The following PTPN1 variants were observed in gnomAD, a reference collection of about 807,000 sequenced individuals.
PTPN1 encodes tyrosine-protein phosphatase non-receptor type 1.
In PTPN1, 12 loss-of-function variants were observed where a neutral mutation model predicts 59.9. The ratio of observed to expected loss-of-function variants is 0.20; its 90% CI spans 0.13 to 0.32. The LOEUF (loss-of-function observed/expected upper bound fraction) is 0.32, where lower values mean the gene tolerates loss of function less well. Ranked by LOEUF, PTPN1 falls within the 10% of genes least tolerant of loss-of-function variation. The probability of loss-of-function intolerance (pLI) is 1.00; values close to 1 mark genes in which losing one functional copy is unlikely to be tolerated. For synonymous variants in PTPN1, 178 were observed against 203.6 expected, an observed-to-expected ratio of 0.87 and a Z score of 1.07; for missense variants, 356 against 549.2, an observed-to-expected ratio of 0.65 and a Z score of 3.52.
intron 1 of PTPN1, among the ~76,000 whole-genome samples, chr20:50,545,263 T>A (rs1228244879): frequency 6.6e-6 from 1 of 152,136 alleles, no homozygotes; most frequent in Admixed American, 6.6e-5. Flanking sequence ...GCCCAGATAC[T>A]TTTTCTTGAG....
In PTPN1 at chr20:50,582,789, T is replaced by TGCCGCG; in HGVS notation, c.*76_*81dup. 6.3e-7 allele frequency: 1 copy of TGCCGCG among 1,589,728 alleles called. No homozygotes were observed. The highest frequency in any genetic ancestry group is 8.6e-7 in the Non-Finnish European group (1 of 1,162,710). Reference sequence around the variant, plus strand: ...AGAGCCCACGCCCGACTAGCAGGCATGCCGCGGTAGGTAAGGGCCGCCGGA... The same window carrying TGCCGCG: ...AGAGCCCACGCCCGACTAGCAGGCATGCCGCGGCCGCGGTAGGTAAGGGCCGCCGGA... On this transcript the variant is annotated 3_prime_UTR_variant, in exon 10 of 10. Coordinates refer to ENST00000371621, the MANE Select transcript of PTPN1 (RefSeq NM_002827.4). The surrounding 1 kb of genome is among the most constrained non-coding windows in gnomAD (Gnocchi z 4.2).
At chr20:50,561,281 C>A in intron 1 of PTPN1, 82 bp from the exon 2 acceptor site, 1 of 1,070,888 alleles carries the variant, frequency 9.3e-7, no homozygotes, top group South Asian at 1.5e-5. Flanking sequence ...CCATATTGCC[C>A]GGCTCTCTTT....
rs1183550200 is a variant in PTPN1 at position 50,584,737 on chromosome 20, T to G, written c.*2022T>G. 1.3e-5 allele frequency: 2 copies of G among 152,168 alleles called. No homozygotes were observed. The highest frequency in any genetic ancestry group is 2.9e-5 in the Non-Finnish European group (2 of 68,024). 9.4% of individuals were successfully genotyped at this position (152,168 alleles called of 1,614,324 possible). On this transcript the variant is annotated 3_prime_UTR_variant, in exon 10 of 10. Transcript: ENST00000371621. ...TGGGTTTGCATTTTAGCTGCAACAATAAAATTTTTTTCTAAAGAACATGAA... is the reference window on the plus strand; with the variant it reads ...TGGGTTTGCATTTTAGCTGCAACAAGAAAATTTTTTTCTAAAGAACATGAA...
intron 6 of PTPN1, 130 bp downstream of exon 6, chr20:50,578,759 T>C (rs918160358): frequency 4.1e-5 from 33 of 799,378 alleles, no homozygotes; most frequent in Non-Finnish European, 6.0e-5. Context: ...TGTTTTTGCG[T>C]TACTAATAAA....
At position 50,520,956 on chromosome 20, in the gene PTPN1, G is replaced by T. The variant is rs566512204; in HGVS notation, c.63+10366G>T. Among the ~76,000 whole-genome samples the T allele has an allele frequency of 2.6e-4, 40 of 152,238 alleles. No individual in the cohort carries two copies. In the South Asian group the frequency reaches 3.1e-3, roughly 12 times the overall value. On this transcript the variant is annotated intron_variant, in intron 1 of 9. Transcript: ENST00000371621. ...ACATGGTCACAGGAGAAGACCAGAG[G>T]GTGGGGTGATCTTTCTGGAAAAATT...
At chr20:50,520,694 G>A (rs2082547365) in intron 1 of PTPN1, among the ~76,000 whole-genome samples, 1 of 152,130 alleles carries the variant, frequency 6.6e-6, no homozygotes, top group Non-Finnish European at 1.5e-5. Context: ...CAGAGCTTTA[G>A]TCTCAAGCTG....
intron 3 of PTPN1, among the ~76,000 whole-genome samples, chr20:50,565,684 G>T (rs988868025): frequency 1.3e-5 from 2 of 152,180 alleles, no homozygotes; most frequent in African/African-American, 2.4e-5. Flanking sequence ...AGGATAAAAA[G>T]AGTTTCTTTT....
chr20:50,512,167 A>G (rs757134188), intron 1 of PTPN1, among the ~76,000 whole-genome samples: 4 of 152,242 alleles, frequency 2.6e-5, no homozygotes, highest in Non-Finnish European at 5.9e-5. Context: ...AATTAGCTGA[A>G]TGAATTCCAT....
In PTPN1 at chr20:50,568,063, G is replaced by A. The variant is rs144319071; in HGVS notation, c.256-317G>A. Among the ~76,000 whole-genome samples the A allele has an allele frequency of 7.7e-4, 118 of 152,338 alleles. No individual in the cohort carries two copies. The highest frequency in any genetic ancestry group is 2.6e-3 in the African/African-American group (108 of 41,576). ...AAGGAGTTTTGTCCCATAGCCCAAG[G>A]GCCTTGGGGACGAATCTCAGTGGAG... On this transcript the variant is annotated intron_variant, in intron 3 of 9. Coordinates refer to ENST00000371621, the MANE Select transcript of PTPN1 (RefSeq NM_002827.4). This position sits in a 1 kb window ranked among gnomAD's most constrained non-coding sequence, Gnocchi z 5.6.
chr20:50,516,325 G>A (rs1041882437), intron 1 of PTPN1, among the ~76,000 whole-genome samples: 4 of 151,778 alleles, frequency 2.6e-5, no homozygotes, highest in Non-Finnish European at 5.9e-5. Context: ...TTTTTCTAGT[G>A]TCCCCTGTGT....
intron 4 of PTPN1, among the ~76,000 whole-genome samples, chr20:50,570,406 T>C (rs1043794331): frequency 3.3e-5 from 5 of 152,232 alleles, no homozygotes; most frequent in African/African-American, 9.6e-5. Flanking sequence ...GGAGCTTGCC[T>C]AAGTGTTCTG....
rs1183799791 is a variant in PTPN1 at position 50,566,004 on chromosome 20, AC to A, written c.255+936del. On this transcript the variant is annotated intron_variant, in intron 3 of 9. Transcript: ENST00000371621. ...TTGTCCCAGTTCCTCCCCATTTATG[AC>A]TAAAATCAGCCCAGATGCTTCTCGT... Among the ~76,000 whole-genome samples, 4 of 152,230 alleles carry A rather than the reference AC, an allele frequency of 2.6e-5. No homozygotes were observed. The East Asian group carries it at 7.8e-4, about 30-fold the overall frequency.
chr20:50,565,118 A>G (rs2082772810), intron 3 of PTPN1, 49 bp downstream of exon 3: 4 of 1,573,048 alleles, frequency 2.5e-6, no homozygotes, highest in Non-Finnish European at 3.5e-6. Context: ...TAAGAGTTTG[A>G]GAGTGCTGTT....
chr20:50,536,354 C>T (rs1487198083), intron 1 of PTPN1, among the ~76,000 whole-genome samples: 2 of 152,160 alleles, frequency 1.3e-5, no homozygotes, highest in African/African-American at 2.4e-5. Flanking sequence ...TGATCAGAAA[C>T]GTGTACCAAT....
At chr20:50,561,168 T>C (rs1448593097) in intron 1 of PTPN1, among the ~76,000 whole-genome samples, 195 bp from the exon 2 acceptor site, 3 of 152,204 alleles carry the variant, frequency 2.0e-5, no homozygotes, top group Non-Finnish European at 4.4e-5. Flanking sequence ...TCTTTCCATC[T>C]TCCTGCCCCA....
intron 1 of PTPN1, among the ~76,000 whole-genome samples, chr20:50,527,862 CTGTT>C (rs1446466549): frequency 1.6e-4 from 25 of 152,262 alleles, no homozygotes; most frequent in Admixed American, 3.3e-4. Flanking sequence ...GGTGTCTTCT[CTGTT>C]TGTTCCTCAA....
At chr20:50,541,264 G>A (rs937993791) in intron 1 of PTPN1, among the ~76,000 whole-genome samples, 10 of 152,116 alleles carry the variant, frequency 6.6e-5, no homozygotes, top group African/African-American at 2.2e-4. Flanking sequence ...TTTCTTATGC[G>A]GTTCTTATTT....
At chr20:50,574,376 T>G (rs1405370296) in intron 4 of PTPN1, 141 bp from the exon 5 acceptor site, 1 of 830,320 alleles carries the variant, frequency 1.2e-6, no homozygotes, top group Non-Finnish European at 1.8e-6. Flanking sequence ...GAGGCAGGCA[T>G]CTGTGCTGAC....
chr20:50,540,166 C>T (rs528104661), intron 1 of PTPN1, among the ~76,000 whole-genome samples: 47 of 152,340 alleles, frequency 3.1e-4, no homozygotes, highest in African/African-American at 9.6e-4. Context: ...AGTGATTCTC[C>T]TGCCTCAGTC....
Sources: allele counts gnomAD v4.1 joint callset (sites outside exome capture counted in the v4.1 genomes callset), GRCh38; gene constraint gnomAD v4.1.1; non-coding constraint Gnocchi (gnomAD v3.1); transcripts MANE v1.5; gene names NCBI Gene and HGNC (gene_info 2026-07-23, HGNC 2026-07-21).